Variants in EMCN observed in about 807,000 individuals in gnomAD.
EMCN encodes the protein MUC-14.
Under a neutral mutation model 38.4 loss-of-function variants are expected in EMCN, and 37 were observed. The ratio of observed to expected loss-of-function variants is 0.96; its 90% CI spans 0.74 to 1.27. The LOEUF (loss-of-function observed/expected upper bound fraction) is 1.27. EMCN is among the 50% of genes most tolerant of loss of function. The pLI is 0.00. For synonymous variants in EMCN, 95 were observed against 100.8 expected (o/e 0.94, Z 0.35); for missense variants, 318 against 302.8 (o/e 1.05, Z -0.37).
intron 4 of EMCN, among the ~76,000 whole-genome samples, chr4:100,454,426 A>G (rs910350347): frequency 3.3e-5 from 5 of 152,106 alleles, no homozygotes; most frequent in Non-Finnish European, 7.4e-5. Flanking sequence ...TGATAAACGT[A>G]TGGATTATGA....
chr4:100,407,534 G>T (rs1726428437), intron 11 of EMCN, among the ~76,000 whole-genome samples: 1 of 152,152 alleles, frequency 6.6e-6, no homozygotes, highest in Non-Finnish European at 1.5e-5. Context: ...CTTTAAGGAT[G>T]CTGAATATAG....
At chr4:100,452,469 G>C (rs193146052) in intron 4 of EMCN, among the ~76,000 whole-genome samples, 1 of 151,970 alleles carries the variant, frequency 6.6e-6, no homozygotes, top group African/African-American at 2.4e-5. Flanking sequence ...CTTTAGTAGA[G>C]TTCTATATTG....
intron 8 of EMCN, among the ~76,000 whole-genome samples, chr4:100,420,539 G>A (rs1963465464): frequency 1.3e-5 from 2 of 152,026 alleles, no homozygotes; most frequent in Admixed American, 1.3e-4. Context: ...TGACAGCTGA[G>A]CCATGGGAGT....
chr4:100,467,871 C>A (rs1465364386), intron 3 of EMCN, among the ~76,000 whole-genome samples: 1 of 152,112 alleles, frequency 6.6e-6, no homozygotes, highest in Non-Finnish European at 1.5e-5. Flanking sequence ...TTTCTACTTT[C>A]CCCTACAAAA....
At position 100,417,123 on chromosome 4, in the gene EMCN, T is replaced by C; in HGVS notation, c.683A>G (p.Asn228Ser). 1 of 1,613,790 alleles carries C rather than the reference T, an allele frequency of 6.2e-7. No individual in the cohort carries two copies. The highest frequency in any genetic ancestry group is 8.5e-7 in the Non-Finnish European group (1 of 1,179,746). The change falls in exon 9 of 12, where the codon AAT (asparagine) becomes AGT (serine). Residue 228 changes from asparagine (N) to serine (S), a missense_variant. Asn to Ser is a conservative substitution (Grantham distance 46). Coordinates refer to ENST00000296420, the MANE Select transcript of EMCN (RefSeq NM_016242.4). ...KADPGTPENG[N>S]DQPQSDKESV... ...ATGATATGGGCTTACTTACTGATCA[T>C]TTCCATTTTCTGGTGTGCCTAGGAG... is the stretch of plus-strand genomic sequence containing the variant.
chr4:100,408,315 AG>A (rs1726451908), intron 11 of EMCN, among the ~76,000 whole-genome samples: 1 of 152,104 alleles, frequency 6.6e-6, no homozygotes, highest in Admixed American at 6.5e-5. Flanking sequence ...GAGTTTCAGG[AG>A]TTCTTGAGCT....
intron 1 of EMCN, among the ~76,000 whole-genome samples, chr4:100,497,568 G>A (rs1257882668): frequency 6.6e-6 from 1 of 152,024 alleles, no homozygotes; most frequent in Non-Finnish European, 1.5e-5. Flanking sequence ...TAGTAAAGCC[G>A]GGTTTCACCG....
At chr4:100,437,700 A>C (rs1013659466) in intron 5 of EMCN, among the ~76,000 whole-genome samples, 15 of 152,264 alleles carry the variant, frequency 9.9e-5, no homozygotes, top group African/African-American at 3.4e-4. Flanking sequence ...CTTTGTAAAG[A>C]ATTTGTTGAC....
chr4:100,446,158 C>T, intron 5 of EMCN: 3 of 985,336 alleles, frequency 3.0e-6, no homozygotes, highest in Non-Finnish European at 3.6e-6. Flanking sequence ...AAAAAAATCT[C>T]TTCCCAGAAC....
chr4:100,480,163 C>A (rs1004971370), intron 1 of EMCN, 124 bp from the exon 2 acceptor site: 27 of 759,590 alleles, frequency 3.6e-5, no homozygotes, highest in Non-Finnish European at 2.2e-5. Context: ...CAGTTGTAAT[C>A]AATTTATCCT....
intron 1 of EMCN, among the ~76,000 whole-genome samples, chr4:100,486,304 C>T (rs1177577700): frequency 6.6e-6 from 1 of 151,906 alleles, no homozygotes; most frequent in Admixed American, 6.6e-5. Context: ...AGAGGAAAAC[C>T]AATAGTGCCA....
intron 10 of EMCN, among the ~76,000 whole-genome samples, chr4:100,411,394 A>G (rs1466452440): frequency 6.6e-6 from 1 of 152,226 alleles, no homozygotes; most frequent in Non-Finnish European, 1.5e-5. Flanking sequence ...ATAAATATTG[A>G]GTCATCCCCT....
At position 100,516,816 on chromosome 4, in the gene EMCN, A is replaced by G. The variant is rs565204120; in HGVS notation, c.64+1035T>C. Among the ~76,000 whole-genome samples the G allele has an allele frequency of 1.3e-4, 20 of 152,216 alleles. 1 individual carries two copies. The South Asian group carries it at 4.1e-3, about 32-fold the overall frequency. ...GATTTTGTAGGCAGTAATCTTTTAA[A>G]TTGAGAATGAGCAAAATAAAATTAG... On this transcript the variant is annotated intron_variant, in intron 1 of 11. Transcript: ENST00000296420.
At chr4:100,487,314 T>G (rs1560636690) in intron 1 of EMCN, among the ~76,000 whole-genome samples, 1 of 152,154 alleles carries the variant, frequency 6.6e-6, no homozygotes, top group Non-Finnish European at 1.5e-5. Flanking sequence ...CAGCACATCC[T>G]TGTAGGGAGC....
chr4:100,430,975 G>A lies in EMCN; in HGVS notation c.416-7571C>T, dbSNP rs531758696. On this transcript the variant is annotated intron_variant, in intron 5 of 11. Coordinates refer to ENST00000296420, the MANE Select transcript of EMCN (RefSeq NM_016242.4). Reference sequence around the variant, plus strand: ...AGCAGGATTCTGTCATTCAAAGTTAGAAAACTTAAATAAACTACCCCCTAT... The same window carrying A: ...AGCAGGATTCTGTCATTCAAAGTTAAAAAACTTAAATAAACTACCCCCTAT... Among the ~76,000 whole-genome samples, 101 of 152,180 alleles carry A rather than the reference G, an allele frequency of 6.6e-4. 1 individual carries two copies. The highest frequency in any genetic ancestry group is 2.3e-3 in the African/African-American group (96 of 41,540).
chr4:100,399,097 A>T (rs999086685), intron 11 of EMCN, among the ~76,000 whole-genome samples: 3 of 152,236 alleles, frequency 2.0e-5, no homozygotes, highest in Non-Finnish European at 2.9e-5. Flanking sequence ...ATCAGAAGAA[A>T]GAATGAATGA....
intron 11 of EMCN, among the ~76,000 whole-genome samples, chr4:100,402,478 T>C (rs982998392): frequency 1.3e-5 from 2 of 152,166 alleles, no homozygotes; most frequent in African/African-American, 4.8e-5. Flanking sequence ...ACAACCTAGA[T>C]AGTAGTTACT....
At chr4:100,463,084 C>G (rs991242421) in intron 4 of EMCN, among the ~76,000 whole-genome samples, 4 of 152,180 alleles carry the variant, frequency 2.6e-5, no homozygotes, top group Non-Finnish European at 5.9e-5. Flanking sequence ...AGTGTGTTTA[C>G]TATACATAGA....
chr4:100,505,093 G>C (rs1368733389), intron 1 of EMCN, among the ~76,000 whole-genome samples: 1 of 152,182 alleles, frequency 6.6e-6, no homozygotes, highest in Non-Finnish European at 1.5e-5. Context: ...CCTGTCCAGT[G>C]GACATGTGAC....
Sources: gnomAD v4.1 joint callset for allele counts (sites outside exome capture counted in the v4.1 genomes callset) on GRCh38, gnomAD v4.1.1 for gene constraint, MANE v1.5 for transcripts, NCBI Gene and HGNC (gene_info 2026-07-23, HGNC 2026-07-21) for gene names.